Variants in NEURL1 observed in about 807,000 individuals in gnomAD.
The protein encoded by NEURL1 is neuralized E3 ubiquitin protein ligase 1, also known as E3 ubiquitin-protein ligase NEURL1.
Under a neutral mutation model 41.2 loss-of-function variants are expected in NEURL1, and 26 were observed. That is an observed-to-expected ratio of 0.63 (90% confidence interval 0.46 to 0.87). NEURL1 has a LOEUF of 0.87. Ranked by LOEUF, NEURL1 falls within the 40% of genes least tolerant of loss-of-function variation. NEURL1 has a pLI of 0.00. For missense variants in NEURL1, 761 were observed against 871.1 expected (o/e 0.87, Z 1.59); for synonymous variants, 400 against 402.3 (o/e 0.99, Z 0.07).
chr10:103,564,516 G>A (rs867626279), intron 1 of NEURL1, among the ~76,000 whole-genome samples: 52 of 152,266 alleles, frequency 3.4e-4, no homozygotes, highest in Middle Eastern at 3.4e-3. Flanking sequence ...AGCCTTCCCC[G>A]AATTGCCTGC....
intron 1 of NEURL1, among the ~76,000 whole-genome samples, chr10:103,561,705 C>G (rs1564822571): frequency 6.6e-6 from 1 of 152,222 alleles, no homozygotes; most frequent in African/African-American, 2.4e-5. Flanking sequence ...CCATAGACAC[C>G]TGCCTTGCAG....
intron 1 of NEURL1, among the ~76,000 whole-genome samples, chr10:103,568,813 TTTG>T (rs869064906): frequency 2.0e-5 from 2 of 99,196 alleles, no homozygotes; most frequent in African/African-American, 4.3e-5. Context: ...TGTTTTGTTT[TTTG>T]TTTTTGTTTT....
chr10:103,533,194 T>C (rs1007387086), intron 1 of NEURL1, among the ~76,000 whole-genome samples: 3 of 152,118 alleles, frequency 2.0e-5, no homozygotes, highest in Non-Finnish European at 4.4e-5. Context: ...CTCAAGGTGC[T>C]GGGATTACAA....
In NEURL1 at chr10:103,494,197, CG is replaced by C. The variant is rs2033623403; in HGVS notation, c.-189del. ...CCTGCGCCAGGACACCCGTGGCGGG[CG>C]GAACCCGCCAAGGACCGCGAAGTCC... On this transcript the variant is annotated 5_prime_UTR_variant, in exon 1 of 6. Coordinates refer to ENST00000369780, the MANE Select transcript of NEURL1 (RefSeq NM_004210.5). 3.9e-6 allele frequency: 2 copies of C among 507,328 alleles called. No individual in the cohort carries two copies. Among genetic ancestry groups the C allele is most frequent in the Admixed American group, 4.3e-5 (1 of 23,364 alleles). 31.4% of individuals were successfully genotyped at this position (507,328 alleles called of 1,614,324 possible).
chr10:103,589,099 T>C (rs2035983925), intron 4 of NEURL1, among the ~76,000 whole-genome samples: 1 of 151,992 alleles, frequency 6.6e-6, no homozygotes, highest in South Asian at 2.1e-4. Context: ...GGTGAAGAGC[T>C]CAGGGCTCCG....
chr10:103,541,396 G>T (rs2034817863), intron 1 of NEURL1, among the ~76,000 whole-genome samples: 1 of 152,198 alleles, frequency 6.6e-6, no homozygotes, highest in Non-Finnish European at 1.5e-5. Context: ...GGTAAGAAAG[G>T]AAGGAAGTTT....
intron 3 of NEURL1, among the ~76,000 whole-genome samples, chr10:103,573,432 C>T (rs1012126660): frequency 1.6e-4 from 24 of 152,102 alleles, no homozygotes; most frequent in African/African-American, 5.6e-4. Context: ...AATGCTTTCT[C>T]GGGGTTCTTT....
At chr10:103,537,983 C>A (rs992029003) in intron 1 of NEURL1, among the ~76,000 whole-genome samples, 1 of 152,162 alleles carries the variant, frequency 6.6e-6, no homozygotes, top group Admixed American at 6.5e-5. Flanking sequence ...TTTTAGAGTT[C>A]TATGTAATGG....
intron 1 of NEURL1, among the ~76,000 whole-genome samples, chr10:103,551,297 ATTTTT>A (rs528332099): frequency 5.7e-4 from 68 of 118,698 alleles, no homozygotes; most frequent in African/African-American, 1.0e-3. Flanking sequence ...GGTCAAATGA[ATTTTT>A]TTTTTTTTTT....
Position 103,584,753 on chromosome 10 carries a change from G to T in NEURL1, c.867G>T (p.Gln289His). The T allele has an allele frequency of 6.9e-7, 1 of 1,458,894 alleles. No individual in the cohort carries two copies. The highest frequency in any genetic ancestry group is 1.3e-5 in the South Asian group (1 of 75,532). The allele number at this position is 1,458,894 out of a possible 1,614,324, so 90.4% of individuals were successfully genotyped here. A position where few individuals can be genotyped will look rare whatever the true frequency, so the allele number is the denominator to read the frequency against. ...AGCACAGCCGCGCGCTGCCGGCGCA[G>T]CTCGACGGCGACCTGCGTTTCCACG... is the stretch of plus-strand genomic sequence containing the variant. Reference protein sequence around the residue: ...NSQHSRALPAQLDGDLRFHAL... With the variant: ...NSQHSRALPAHLDGDLRFHAL... The change falls in exon 4 of 6, where the codon CAG becomes CAT. Residue 289 changes from glutamine to histidine, a missense_variant. By Grantham distance (24) the Gln-to-His change is conservative. Transcript: ENST00000369780.
In NEURL1 at chr10:103,588,711, C is replaced by T. The variant is rs547641068; in HGVS notation, c.1340-803C>T. 9.3e-6 allele frequency: 4 copies of T among 429,126 alleles called. No homozygotes were observed. The East Asian group carries it at 2.2e-4, about 24-fold the overall frequency. 26.6% of individuals were successfully genotyped at this position (429,126 alleles called of 1,614,324 possible). ...CCAGCAATCCCAGCACTTTGGGAGC[C>T]GAGGCTGGCAGATCACGAGGTGAGG... On this transcript the variant is annotated intron_variant, in intron 4 of 5. Transcript: ENST00000369780.
At chr10:103,535,257 A>G (rs995624608) in intron 1 of NEURL1, among the ~76,000 whole-genome samples, 5 of 152,086 alleles carry the variant, frequency 3.3e-5, no homozygotes, top group African/African-American at 9.7e-5. Context: ...GGAGAGGGGT[A>G]TGTCAGCGGC....
In NEURL1 at chr10:103,533,738, G is replaced by A. The variant is rs372029227; in HGVS notation, c.86-37134G>A. Reference sequence around the variant, plus strand: ...TTTTTAGTAGAGACGGGGTTTCACCGTGTTAGCCAGGATGGTCTCGATCTG... The same window carrying A: ...TTTTTAGTAGAGACGGGGTTTCACCATGTTAGCCAGGATGGTCTCGATCTG... On this transcript the variant is annotated intron_variant, in intron 1 of 5. Transcript: ENST00000369780. Among the ~76,000 whole-genome samples the A allele has an allele frequency of 4.0e-3, 602 of 152,098 alleles. 1 individual carries two copies. The highest frequency in any genetic ancestry group is 0.013 in the African/African-American group (548 of 41,484).
chr10:103,585,305 C>T (rs1564833828), intron 4 of NEURL1, 80 bp downstream of exon 4: 2 of 1,231,174 alleles, frequency 1.6e-6, no homozygotes, highest in African/African-American at 3.1e-5. Context: ...AGGGCGAGCT[C>T]CCCTTCCTCC....
chr10:103,590,413 C>A lies in NEURL1; in HGVS notation c.*41C>A. 1.3e-6 allele frequency: 2 copies of A among 1,545,944 alleles called. No individual in the cohort carries two copies. Among genetic ancestry groups the A allele is most frequent in the Non-Finnish European group, 1.8e-6 (2 of 1,120,214 alleles). Reference sequence around the variant, plus strand: ...CATCCCGCATACCCATCTTCTCGGGCTTCAGCCCAGTCCCAGCTGAGGAAC... The same window carrying A: ...CATCCCGCATACCCATCTTCTCGGGATTCAGCCCAGTCCCAGCTGAGGAAC... On this transcript the variant is annotated 3_prime_UTR_variant, in exon 6 of 6. Coordinates refer to ENST00000369780, the MANE Select transcript of NEURL1 (RefSeq NM_004210.5).
intron 1 of NEURL1, among the ~76,000 whole-genome samples, chr10:103,552,171 C>T (rs2035044919): frequency 6.6e-6 from 1 of 152,166 alleles, no homozygotes; most frequent in Admixed American, 6.5e-5. Context: ...CCCCTTGAGC[C>T]TCCTGCCTCC....
intron 1 of NEURL1, among the ~76,000 whole-genome samples, chr10:103,533,116 A>T (rs541398660): frequency 4.7e-5 from 7 of 150,498 alleles, no homozygotes; most frequent in Non-Finnish European, 1.0e-4. Context: ...TTTAGTAGAG[A>T]CGGGGTTTCA....
At chr10:103,505,890 C>T (rs780779193) in intron 1 of NEURL1, among the ~76,000 whole-genome samples, 14 of 152,226 alleles carry the variant, frequency 9.2e-5, no homozygotes, top group Non-Finnish European at 1.9e-4. Flanking sequence ...CCTTGCCTCT[C>T]AGAGGTGTCC....
intron 1 of NEURL1, among the ~76,000 whole-genome samples, chr10:103,549,803 A>G (rs1410712881): frequency 6.6e-6 from 1 of 151,908 alleles, no homozygotes; most frequent in Non-Finnish European, 1.5e-5. Flanking sequence ...TGTCTTCTAT[A>G]CCTCCTGATG....
Sources: gnomAD v4.1 joint callset for allele counts (sites outside exome capture counted in the v4.1 genomes callset) on GRCh38, gnomAD v4.1.1 for gene constraint, MANE v1.5 for transcripts, NCBI Gene and HGNC (gene_info 2026-07-23, HGNC 2026-07-21) for gene names.